The following ADAP2 variants were observed in gnomAD, a reference collection of about 807,000 sequenced individuals.
ADAP2 encodes arf-GAP with dual PH domain-containing protein 2.
A neutral mutation model predicts 54.9 loss-of-function variants in ADAP2; 42 were observed. The observed-to-expected ratio is 0.77, with a 90% confidence interval of 0.60 to 0.99. ADAP2 has a LOEUF of 0.99. Among genes scored for constraint, ADAP2 ranks in the 50% least tolerant of loss-of-function variants. The probability of loss-of-function intolerance (pLI) is 0.00; values close to 1 mark genes in which losing one functional copy is unlikely to be tolerated. For missense variants in ADAP2, 429 were observed against 480.4 expected (o/e 0.89, Z 1.00); for synonymous variants, 177 against 180.1 (o/e 0.98, Z 0.14).
chr17:30,949,201 C>A, intron 6 of ADAP2, 86 bp from the exon 7 acceptor site: 2 of 1,102,038 alleles, frequency 1.8e-6, no homozygotes, highest in Non-Finnish European at 2.8e-6. Context: ...ACACCCAATG[C>A]CCAGCTAGCT....
chr17:30,927,908 G>A (rs72811666), intron 3 of ADAP2, among the ~76,000 whole-genome samples: 10,075 of 151,976 alleles, frequency 0.066, 458 homozygotes, highest in Non-Finnish European at 0.1. Context: ...CGTGCCTGTA[G>A]TCTGAGCTAC....
intron 6 of ADAP2, among the ~76,000 whole-genome samples, chr17:30,948,502 G>A (rs894556287): frequency 1.5e-4 from 23 of 152,062 alleles, no homozygotes; most frequent in African/African-American, 5.1e-4. Flanking sequence ...CCCAGAAGGC[G>A]GAGGTTGCAG....
chr17:30,925,934 T>A (rs151141503), intron 2 of ADAP2, among the ~76,000 whole-genome samples: 112 of 152,246 alleles, frequency 7.4e-4, no homozygotes, highest in Non-Finnish European at 1.5e-3. Context: ...GGTTTCACCA[T>A]GTTGGTCAGG....
intron 7 of ADAP2, 46 bp from the exon 8 acceptor site, chr17:30,953,242 G>C (rs1904809172): frequency 6.2e-7 from 1 of 1,604,378 alleles, no homozygotes; most frequent in Admixed American, 1.7e-5. Flanking sequence ...GGAACCTGGA[G>C]CCTTGGGGTG....
chr17:30,922,706 T>C (rs1032656505), intron 1 of ADAP2, among the ~76,000 whole-genome samples: 46 of 152,290 alleles, frequency 3.0e-4, no homozygotes, highest in Admixed American at 2.5e-3. Flanking sequence ...CTGAGTCCCT[T>C]CACTTCCACG....
chr17:30,926,154 G>A (rs1047987734), intron 2 of ADAP2, among the ~76,000 whole-genome samples: 1 of 152,190 alleles, frequency 6.6e-6, no homozygotes, highest in Non-Finnish European at 1.5e-5. Context: ...CCCTGCAGAG[G>A]AGAAGAGGAG....
At chr17:30,935,110 T>TA (rs1159623204) in intron 5 of ADAP2, among the ~76,000 whole-genome samples, 1 of 152,196 alleles carries the variant, frequency 6.6e-6, no homozygotes, top group Non-Finnish European at 1.5e-5. Flanking sequence ...CTCATGCCTG[T>TA]AATCCCAGCA....
Position 30,922,077 on chromosome 17 carries a change from C to T in ADAP2, c.63C>T (p.Gly21=). Residue 21 remains glycine, a synonymous_variant, in exon 1 of 11, where the codon GGC becomes GGT. Coordinates refer to ENST00000330889, the MANE Select transcript of ADAP2 (RefSeq NM_018404.3). ...LLELLRAPDT[G]NAHCADCGAA... Reference sequence around the variant, plus strand: ...AGCTGCTGCGGGCGCCGGACACAGGCAACGCGCACTGCGCCGACTGCGGGG... The same window carrying T: ...AGCTGCTGCGGGCGCCGGACACAGGTAACGCGCACTGCGCCGACTGCGGGG... 1 of 1,264,692 alleles carries T rather than the reference C, an allele frequency of 7.9e-7. No homozygotes were observed. The highest frequency in any genetic ancestry group is 3.0e-5 in the South Asian group (1 of 33,728). 78.3% of individuals were successfully genotyped at this position (1,264,692 alleles called of 1,614,324 possible). A position where few individuals can be genotyped will look rare whatever the true frequency, so the allele number is the denominator to read the frequency against.
intron 3 of ADAP2, 35 bp downstream of exon 3, chr17:30,926,953 G>A: frequency 4.6e-6 from 7 of 1,521,534 alleles, no homozygotes; most frequent in Non-Finnish European, 6.4e-6. Flanking sequence ...TGGGTGAGGG[G>A]TCTGTCCTGG....
intron 5 of ADAP2, among the ~76,000 whole-genome samples, chr17:30,942,171 T>G (rs1259708750): frequency 6.6e-6 from 1 of 152,224 alleles, no homozygotes; most frequent in Non-Finnish European, 1.5e-5. Context: ...CCCAAAGTGC[T>G]GGGATAACAG....
At chr17:30,937,411 A>G (rs1911971260) in intron 5 of ADAP2, among the ~76,000 whole-genome samples, 2 of 152,070 alleles carry the variant, frequency 1.3e-5, no homozygotes, top group Non-Finnish European at 2.9e-5. Context: ...TAGTAGAGAC[A>G]GGGTTTCACC....
intron 5 of ADAP2, among the ~76,000 whole-genome samples, chr17:30,942,103 A>C (rs778293536): frequency 6.6e-6 from 1 of 151,986 alleles, no homozygotes. Context: ...ACAGGATTTC[A>C]CCATGTTGGC....
chr17:30,956,242 A>T lies in ADAP2; in HGVS notation c.884A>T (p.Asp295Val), dbSNP rs775080689. Residue 295 changes from aspartate (D) to valine (V), a missense_variant and splice_region_variant, in exon 10 of 11, where the codon GAT becomes GTT. By Grantham distance (152) the Asp-to-Val change is radical. Transcript: ENST00000330889. ...RRLLYYKNPLDAFEQGQVFLG... is the reference protein window; with the variant it reads ...RRLLYYKNPLVAFEQGQVFLG... ...TGACCCTGTACTCTCCATTTTCAGGATGCCTTCGAGCAGGGCCAGGTTTTT... is the reference window on the plus strand; with the variant it reads ...TGACCCTGTACTCTCCATTTTCAGGTTGCCTTCGAGCAGGGCCAGGTTTTT... 4.3e-6 allele frequency: 7 copies of T among 1,614,072 alleles called. No homozygotes were observed. The highest frequency in any genetic ancestry group is 5.9e-6 in the Non-Finnish European group (7 of 1,179,988).
intron 5 of ADAP2, among the ~76,000 whole-genome samples, chr17:30,942,133 C>G (rs1912315552): frequency 6.6e-6 from 1 of 152,076 alleles, no homozygotes; most frequent in South Asian, 2.1e-4. Flanking sequence ...CTCGATCTCT[C>G]AACCTCGTGA....
chr17:30,952,974 C>A (rs1904790304), intron 7 of ADAP2, among the ~76,000 whole-genome samples: 1 of 152,024 alleles, frequency 6.6e-6, no homozygotes, highest in Non-Finnish European at 1.5e-5. Context: ...CAAAGTGGAC[C>A]CTCAGAACAT....
intron 7 of ADAP2, among the ~76,000 whole-genome samples, chr17:30,951,472 T>A (rs1273500624): frequency 6.6e-5 from 10 of 151,948 alleles, no homozygotes; most frequent in Admixed American, 6.6e-4. Context: ...AGTAGTACAG[T>A]TTATATCTTG....
intron 4 of ADAP2, among the ~76,000 whole-genome samples, chr17:30,933,451 G>T (rs1911643998): frequency 6.6e-6 from 1 of 152,036 alleles, no homozygotes; most frequent in Non-Finnish European, 1.5e-5. Context: ...GCTTCCCAAG[G>T]TGTCAAGATT....
intron 5 of ADAP2, among the ~76,000 whole-genome samples, chr17:30,943,262 G>A (rs1190879044): frequency 6.6e-6 from 1 of 152,072 alleles, no homozygotes; most frequent in Non-Finnish European, 1.5e-5. Context: ...CAACTTGGGA[G>A]GCTGAGGCAG....
chr17:30,956,354 T>G lies in ADAP2; in HGVS notation c.996T>G (p.Ile332Met). ...ATCGCTGGAAAGCCGGACTCACCATTGTCACCCCAGAGCGGAGATTTGTCC... is the reference window on the plus strand; with the variant it reads ...ATCGCTGGAAAGCCGGACTCACCATGGTCACCCCAGAGCGGAGATTTGTCC... ...RGNRWKAGLTIVTPERRFVLT... is the reference protein window; with the variant it reads ...RGNRWKAGLTMVTPERRFVLT... The change falls in exon 10 of 11, where the codon ATT (isoleucine) becomes ATG (methionine). Residue 332 changes from isoleucine (I) to methionine (M), a missense_variant. Ile to Met is a conservative substitution (Grantham distance 10). Transcript: ENST00000330889. 3 of 1,614,234 alleles carry G rather than the reference T, an allele frequency of 1.9e-6. No individual in the cohort carries two copies. The highest frequency in any genetic ancestry group is 2.5e-6 in the Non-Finnish European group (3 of 1,180,040).
Sources: gnomAD v4.1 joint callset for allele counts (sites outside exome capture counted in the v4.1 genomes callset) on GRCh38, gnomAD v4.1.1 for gene constraint, MANE v1.5 for transcripts, NCBI Gene and HGNC (gene_info 2026-07-23, HGNC 2026-07-21) for gene names.